The following HLCS variants were observed in gnomAD, a reference collection of about 807,000 sequenced individuals.
The protein encoded by HLCS is biotin--protein ligase.
HLCS carries 53 observed loss-of-function variants against 75.0 expected under a neutral mutation model. That is an observed-to-expected ratio of 0.71 (90% CI 0.57 to 0.89). The LOEUF is 0.89. Among genes scored for constraint, HLCS ranks in the 40% least tolerant of loss-of-function variants. HLCS has a pLI of 0.00. For synonymous variants in HLCS, 431 were observed against 428.6 expected, an observed-to-expected ratio of 1.01 and a Z score of -0.07; for missense variants, 966 against 1,074.0, an observed-to-expected ratio of 0.90 and a Z score of 1.41.
At chr21:36,928,484 C>T (rs752049606) in intron 5 of HLCS, among the ~76,000 whole-genome samples, 1 of 152,090 alleles carries the variant, frequency 6.6e-6, no homozygotes, top group Non-Finnish European at 1.5e-5. Flanking sequence ...GTGGGAGGAT[C>T]GCTTGAGCTT....
chr21:36,925,755 T>G (rs2066376963), intron 5 of HLCS, among the ~76,000 whole-genome samples: 1 of 152,210 alleles, frequency 6.6e-6, no homozygotes, highest in Non-Finnish European at 1.5e-5. Flanking sequence ...GTGCTTTCTT[T>G]CTGCCATTGC....
chr21:36,777,061 C>T (rs145702587), intron 6 of HLCS, among the ~76,000 whole-genome samples: 307 of 152,274 alleles, frequency 2.0e-3, no homozygotes, highest in African/African-American at 6.9e-3. Flanking sequence ...TCATTTGTTA[C>T]GATTTCTGAA....
chr21:36,833,331 T>A (rs1278868776), intron 6 of HLCS, among the ~76,000 whole-genome samples: 1 of 150,578 alleles, frequency 6.6e-6, no homozygotes, highest in Non-Finnish European at 1.5e-5. Flanking sequence ...ACACCTGTAA[T>A]CTCAGCACTT....
chr21:36,847,310 A>G (rs2062830861), intron 6 of HLCS, among the ~76,000 whole-genome samples: 1 of 152,228 alleles, frequency 6.6e-6, no homozygotes, highest in South Asian at 2.1e-4. Context: ...AACACTGATC[A>G]ATAAATAAGA....
At chr21:36,958,690 G>A (rs2068107272) in intron 2 of HLCS, among the ~76,000 whole-genome samples, 2 of 152,104 alleles carry the variant, frequency 1.3e-5, no homozygotes, top group African/African-American at 4.8e-5. Context: ...TTGGGAGGGT[G>A]AGGCAGGAGA....
At chr21:36,879,929 AAAG>A (rs1325300589) in intron 6 of HLCS, among the ~76,000 whole-genome samples, 2 of 152,082 alleles carry the variant, frequency 1.3e-5, no homozygotes, top group East Asian at 3.9e-4. Context: ...AAAAAAAAAA[AAAG>A]AGCTCAGTAA....
At chr21:36,967,103 G>A (rs2068642003), upstream of HLCS, among the ~76,000 whole-genome samples, 2 of 152,174 alleles carry the variant, frequency 1.3e-5, no homozygotes, top group South Asian at 4.2e-4. Context: ...TCCTTGGAGG[G>A]GTGGGAGGCG....
chr21:36,854,682 T>G (rs2063125836), intron 6 of HLCS, among the ~76,000 whole-genome samples: 2 of 152,102 alleles, frequency 1.3e-5, no homozygotes, highest in Admixed American at 1.3e-4. Context: ...AGAACTCTAT[T>G]TTTCTGGTTG....
rs1209677955 is a variant in HLCS, at chr21:36,937,191, G to A, written c.695C>T (p.Pro232Leu). ...CCCTCCCCTGTCACTGTCCCCAGCA[G>A]GCTCACTCCCAGAGGCACTGCCTCT... ...QRRGSASGSE[P>L]AGDSDRGGGP... Residue 232 changes from proline to leucine, a missense_variant, in exon 4 of 11, where the codon CCT becomes CTT. Physicochemically the swap from Pro to Leu is moderately conservative, Grantham distance 98. Coordinates refer to ENST00000674895, the MANE Select transcript of HLCS (RefSeq NM_001352514.2). 1 of 1,614,018 alleles carries A rather than the reference G, an allele frequency of 6.2e-7. No individual in the cohort carries two copies. The highest frequency in any genetic ancestry group is 8.5e-7 in the Non-Finnish European group (1 of 1,180,028).
chr21:36,768,670 G>A (rs78884105), intron 6 of HLCS, among the ~76,000 whole-genome samples: 1 of 152,214 alleles, frequency 6.6e-6, no homozygotes, highest in Non-Finnish European at 1.5e-5. Context: ...CGCTTTCGGC[G>A]AGCAGGCTGG....
At chr21:36,774,954 C>T (rs1406413382) in intron 6 of HLCS, among the ~76,000 whole-genome samples, 1 of 152,170 alleles carries the variant, frequency 6.6e-6, no homozygotes, top group African/African-American at 2.4e-5. Flanking sequence ...TACGGCCTGC[C>T]CTTTCCTCAA....
chr21:36,849,823 A>C (rs551828697), intron 6 of HLCS, among the ~76,000 whole-genome samples: 1 of 152,348 alleles, frequency 6.6e-6, no homozygotes, highest in East Asian at 1.9e-4. Context: ...GTTTGCAATC[A>C]TGAACCTTGA....
At chr21:36,856,147 G>A (rs2063185655) in intron 6 of HLCS, among the ~76,000 whole-genome samples, 1 of 152,192 alleles carries the variant, frequency 6.6e-6, no homozygotes, top group Admixed American at 6.5e-5. Flanking sequence ...AAATTTGAGT[G>A]TGGTGATGAC....
At chr21:36,920,684 A>T (rs1231185770) in intron 5 of HLCS, among the ~76,000 whole-genome samples, 1 of 152,178 alleles carries the variant, frequency 6.6e-6, no homozygotes, top group Non-Finnish European at 1.5e-5. Flanking sequence ...AAAAATTTTT[A>T]AAGCCGTCTA....
intron 6 of HLCS, among the ~76,000 whole-genome samples, chr21:36,774,156 G>A (rs569261554): frequency 1.2e-4 from 19 of 152,286 alleles, no homozygotes; most frequent in African/African-American, 4.6e-4. Context: ...GAAGAGGCCC[G>A]ACTTCTGACA....
chr21:36,803,054 C>T (rs1293280772), intron 6 of HLCS, among the ~76,000 whole-genome samples: 1 of 152,182 alleles, frequency 6.6e-6, no homozygotes, highest in Non-Finnish European at 1.5e-5. Context: ...GTCCCCTTAA[C>T]TAGACATGAA....
chr21:36,872,152 G>C (rs571549387), intron 6 of HLCS, among the ~76,000 whole-genome samples: 5 of 152,150 alleles, frequency 3.3e-5, no homozygotes, highest in Non-Finnish European at 7.3e-5. Flanking sequence ...GCTGGGCGCG[G>C]TGGCTCACAC....
chr21:36,955,998 G>T (rs1305635596), intron 2 of HLCS, among the ~76,000 whole-genome samples: 2 of 152,148 alleles, frequency 1.3e-5, no homozygotes, highest in African/African-American at 2.4e-5. Flanking sequence ...AATCCCAGGT[G>T]TAAAGTAGGC....
chr21:36,849,858 G>A (rs578128508), intron 6 of HLCS, among the ~76,000 whole-genome samples: 2 of 152,118 alleles, frequency 1.3e-5, no homozygotes, highest in Admixed American at 6.5e-5. Context: ...ATTAGCTTCC[G>A]GCAGATATTA....
Sources: allele counts gnomAD v4.1 joint callset (sites outside exome capture counted in the v4.1 genomes callset), GRCh38; gene constraint gnomAD v4.1.1; transcripts MANE v1.5; gene names NCBI Gene and HGNC (gene_info 2026-07-23, HGNC 2026-07-21).